Variants in CLASP2 observed in about 807,000 individuals in gnomAD.
CLASP2 encodes the protein CLIP-associating protein 2.
In CLASP2, 47 loss-of-function variants were observed where a neutral mutation model predicts 194.4. The observed-to-expected ratio is 0.24, with a 90% confidence interval of 0.19 to 0.31. CLASP2 has a LOEUF of 0.31. Ranked by LOEUF, CLASP2 falls within the 10% of genes least tolerant of loss-of-function variation. The pLI, the probability that CLASP2 is intolerant of heterozygous loss-of-function variation, is 1.00. For synonymous variants in CLASP2, 619 were observed against 633.5 expected (o/e 0.98, Z 0.34); for missense variants, 1,445 against 1,823.6 (o/e 0.79, Z 3.78).
At chr3:33,583,594 G>A (rs1284038869) in intron 22 of CLASP2, among the ~76,000 whole-genome samples, 1 of 152,172 alleles carries the variant, frequency 6.6e-6, no homozygotes, top group Non-Finnish European at 1.5e-5. Flanking sequence ...GGATACAGAA[G>A]AAAATGTATG....
At chr3:33,607,628 C>G (rs947155921) in intron 14 of CLASP2, among the ~76,000 whole-genome samples, 167 bp from the exon 15 acceptor site, 10 of 152,246 alleles carry the variant, frequency 6.6e-5, no homozygotes, top group Non-Finnish European at 1.2e-4. Flanking sequence ...TTCTAATTAT[C>G]TGCCCCATAT....
At chr3:33,635,489 C>G (rs2079968545) in intron 8 of CLASP2, among the ~76,000 whole-genome samples, 1 of 152,128 alleles carries the variant, frequency 6.6e-6, no homozygotes, top group African/African-American at 2.4e-5. Context: ...GCTACTTACG[C>G]TATCAGACAA....
intron 32 of CLASP2, among the ~76,000 whole-genome samples, chr3:33,540,149 C>T (rs761263391): frequency 5.3e-5 from 8 of 151,406 alleles, no homozygotes; most frequent in African/African-American, 1.9e-4. Context: ...AGGCTGGTCT[C>T]GAACTCCTGA....
chr3:33,517,260 C>A, intron 34 of CLASP2, 86 bp from the exon 35 acceptor site: 2 of 937,056 alleles, frequency 2.1e-6, no homozygotes, highest in Non-Finnish European at 3.0e-6. Flanking sequence ...TGATGAAACA[C>A]AGATATAACC....
At chr3:33,549,818 A>T (rs2059709858) in intron 30 of CLASP2, among the ~76,000 whole-genome samples, 1 of 150,348 alleles carries the variant, frequency 6.7e-6, no homozygotes, top group Non-Finnish European at 1.5e-5. Flanking sequence ...GTCTCATTGC[A>T]TCCTCGACCT....
chr3:33,572,972 G>A, intron 25 of CLASP2, 138 bp downstream of exon 25: 1 of 908,896 alleles, frequency 1.1e-6, no homozygotes, highest in South Asian at 2.0e-5. Context: ...TGAAGCTTTG[G>A]AAAAACACTT....
intron 15 of CLASP2, 105 bp downstream of exon 15, chr3:33,607,279 G>A: frequency 1.5e-6 from 1 of 684,530 alleles, no homozygotes; most frequent in Non-Finnish European, 2.3e-6. Context: ...TTACTGGAGG[G>A]CTAGTCAAGT....
chr3:33,546,009 T>C (rs2059106188), intron 30 of CLASP2, among the ~76,000 whole-genome samples: 1 of 152,244 alleles, frequency 6.6e-6, no homozygotes, highest in South Asian at 2.1e-4. Context: ...TTAATAGTGC[T>C]TAAATAAAGC....
At chr3:33,522,622 A>G (rs1295753912) in intron 34 of CLASP2, among the ~76,000 whole-genome samples, 2 of 152,232 alleles carry the variant, frequency 1.3e-5, no homozygotes, top group Non-Finnish European at 2.9e-5. Context: ...AAGATTTTAA[A>G]ATACCTGTCT....
intron 24 of CLASP2, among the ~76,000 whole-genome samples, chr3:33,573,837 C>A (rs932437507): frequency 3.3e-5 from 5 of 152,112 alleles, no homozygotes; most frequent in Admixed American, 3.3e-4. Flanking sequence ...ACCTCCATTA[C>A]CACTTCTCTT....
intron 26 of CLASP2, among the ~76,000 whole-genome samples, chr3:33,567,669 A>T (rs2062989091): frequency 6.6e-6 from 1 of 152,222 alleles, no homozygotes; most frequent in Non-Finnish European, 1.5e-5. Flanking sequence ...GGTTTACATG[A>T]GGTGGATATT....
At position 33,705,682 on chromosome 3, in the gene CLASP2, A is replaced by T. The variant is rs191428627; in HGVS notation, c.196-8749T>A. Among the ~76,000 whole-genome samples the T allele has an allele frequency of 1.2e-3, 185 of 152,354 alleles. 1 individual carries two copies. Among genetic ancestry groups the T allele is most frequent in the South Asian group, 2.3e-3 (11 of 4,834 alleles). ...ATACTTAGGAATCTATCCCCAAGAT[A>T]TACAAGTAAAATTATGAAAAGACAT... is the stretch of plus-strand genomic sequence containing the variant. On this transcript the variant is annotated intron_variant, in intron 1 of 38. Coordinates refer to ENST00000682230, the MANE Select transcript of CLASP2 (RefSeq NM_001365631.1).
intron 6 of CLASP2, among the ~76,000 whole-genome samples, chr3:33,671,560 C>G (rs1195331754): frequency 3.3e-5 from 5 of 152,156 alleles, no homozygotes; most frequent in African/African-American, 1.2e-4. Flanking sequence ...GTACCAGGTT[C>G]ATCTCACTAG....
intron 34 of CLASP2, among the ~76,000 whole-genome samples, chr3:33,529,353 C>T (rs949090327): frequency 6.6e-6 from 1 of 152,034 alleles, no homozygotes; most frequent in African/African-American, 2.4e-5. Context: ...AAAAAAGAGC[C>T]CAAATAGCAA....
intron 6 of CLASP2, among the ~76,000 whole-genome samples, chr3:33,677,470 C>T (rs747756279): frequency 4.0e-5 from 6 of 148,872 alleles, no homozygotes; most frequent in East Asian, 2.0e-4. Context: ...AACCAAACAC[C>T]GCGTATTCTC....
intron 6 of CLASP2, among the ~76,000 whole-genome samples, chr3:33,681,894 G>C (rs939700963): frequency 1.3e-5 from 2 of 152,190 alleles, no homozygotes; most frequent in East Asian, 3.9e-4. Context: ...GCAGGGAAGA[G>C]TGAATGAGTT....
chr3:33,626,615 G>A (rs1419447016), intron 10 of CLASP2, among the ~76,000 whole-genome samples: 2 of 152,182 alleles, frequency 1.3e-5, no homozygotes, highest in East Asian at 3.9e-4. Flanking sequence ...CACTGAACAT[G>A]CAGGTAAAGT....
At chr3:33,591,280 A>G (rs9865452) in intron 21 of CLASP2, among the ~76,000 whole-genome samples, 9,480 of 152,340 alleles carry the variant, frequency 0.062, 942 homozygotes, top group African/African-American at 0.21. Context: ...AAATCTCTTG[A>G]TAAAGAAGGA....
At chr3:33,651,861 G>A (rs1358292117) in intron 7 of CLASP2, among the ~76,000 whole-genome samples, 1 of 151,958 alleles carries the variant, frequency 6.6e-6, no homozygotes, top group Non-Finnish European at 1.5e-5. Context: ...GTTTCACCAT[G>A]TTGGCCAGGA....
Sources: gnomAD v4.1 joint callset for allele counts (sites outside exome capture counted in the v4.1 genomes callset) on GRCh38, gnomAD v4.1.1 for gene constraint, MANE v1.5 for transcripts, NCBI Gene and HGNC (gene_info 2026-07-23, HGNC 2026-07-21) for gene names.